Variants in PRRG4 observed in about 807,000 individuals in gnomAD.
PRRG4 encodes proline rich and Gla domain 4, also known as transmembrane gamma-carboxyglutamic acid protein 4.
In PRRG4, 12 loss-of-function variants were observed where a neutral mutation model predicts 20.0. That is an observed-to-expected ratio of 0.60 (90% CI 0.38 to 0.97). The LOEUF (loss-of-function observed/expected upper bound fraction) is 0.97, where lower values mean the gene tolerates loss of function less well. Ranked by LOEUF, PRRG4 falls within the 50% of genes least tolerant of loss-of-function variation. The pLI is 0.00. For synonymous variants in PRRG4, 94 were observed against 96.4 expected (o/e 0.98, Z 0.15); for missense variants, 199 against 265.1 (o/e 0.75, Z 1.73).
At chr11:32,838,666 C>G (rs1296583008) in intron 3 of PRRG4, among the ~76,000 whole-genome samples, 2 of 152,078 alleles carry the variant, frequency 1.3e-5, no homozygotes, top group Admixed American at 6.6e-5. Flanking sequence ...AGAGCTGGGA[C>G]TGGCAGTAAT....
At chr11:32,849,457 G>T (rs1851161420) in intron 5 of PRRG4, among the ~76,000 whole-genome samples, 1 of 152,088 alleles carries the variant, frequency 6.6e-6, no homozygotes, top group African/African-American at 2.4e-5. Context: ...GAGGTCAGGA[G>T]TTCGAGACCA....
chr11:32,837,579 T>C (rs1565113944), intron 3 of PRRG4, among the ~76,000 whole-genome samples: 3 of 140,748 alleles, frequency 2.1e-5, no homozygotes, highest in Admixed American at 1.4e-4. Context: ...ATTATTATTA[T>C]TATCTGGAGA....
chr11:32,846,107 G>A (rs7114677), intron 5 of PRRG4, among the ~76,000 whole-genome samples: 59,073 of 151,930 alleles, frequency 0.39, 11,444 homozygotes, highest in South Asian at 0.45. Context: ...ACTGTGAGCC[G>A]TGATCATGCC....
chr11:32,836,185 G>A lies in PRRG4; in HGVS notation c.104-473G>A, dbSNP rs149743117. ...TCCCAATTTTATAAATTAGGAAATG[G>A]CAGCCCAAAGAATATAAGTGACTTA... is the stretch of plus-strand genomic sequence containing the variant. On this transcript the variant is annotated intron_variant, in intron 2 of 5. Transcript: ENST00000257836. 5.0e-3 allele frequency among the ~76,000 whole-genome samples: 763 copies of A among 152,116 alleles called. 4 individuals are homozygous for A. Among genetic ancestry groups the A allele is most frequent in the Middle Eastern group, 0.01 (3 of 294 alleles).
At chr11:32,836,010 G>A (rs1305254897) in intron 2 of PRRG4, among the ~76,000 whole-genome samples, 1 of 152,094 alleles carries the variant, frequency 6.6e-6, no homozygotes, top group Admixed American at 6.6e-5. Context: ...GCTGAGGCAA[G>A]AGAATCACTT....
intron 2 of PRRG4, among the ~76,000 whole-genome samples, chr11:32,833,125 A>G (rs747993112): frequency 2.6e-5 from 4 of 152,312 alleles, no homozygotes; most frequent in Middle Eastern, 3.4e-3. Flanking sequence ...ACAAAAGACA[A>G]TATTTCTCCT....
rs751657517 is a variant in PRRG4, at chr11:32,838,940, G to T, written c.316+10G>T. 8.2e-6 allele frequency: 13 copies of T among 1,587,080 alleles called. No homozygotes were observed. The highest frequency in any genetic ancestry group is 1.0e-5 in the Non-Finnish European group (12 of 1,155,750). On this transcript the variant is annotated intron_variant, in intron 4 of 5. Transcript: ENST00000257836. ...CCAACCACAAAATCAGGTAAAACAAGAATTGATCAAATTTAATGCTTTTCT... is the reference window on the plus strand; with the variant it reads ...CCAACCACAAAATCAGGTAAAACAATAATTGATCAAATTTAATGCTTTTCT...
At chr11:32,849,258 G>C (rs1851159380) in intron 5 of PRRG4, among the ~76,000 whole-genome samples, 1 of 152,106 alleles carries the variant, frequency 6.6e-6, no homozygotes, top group Non-Finnish European at 1.5e-5. Flanking sequence ...TACTTGGAAG[G>C]CTGAGGTGCG....
intron 5 of PRRG4, among the ~76,000 whole-genome samples, chr11:32,846,183 T>C (rs1851129186): frequency 6.6e-6 from 1 of 151,810 alleles, no homozygotes; most frequent in Non-Finnish European, 1.5e-5. Flanking sequence ...ATAATAATAA[T>C]AATAATTGTA....
intron 5 of PRRG4, among the ~76,000 whole-genome samples, chr11:32,841,970 A>G (rs542639941): frequency 6.6e-6 from 1 of 152,334 alleles, no homozygotes; most frequent in East Asian, 1.9e-4. Flanking sequence ...GATAATTACA[A>G]CAACATGGCA....
chr11:32,853,441 C>T lies in PRRG4; in HGVS notation c.595C>T (p.His199Tyr). Residue 199 changes from histidine to tyrosine, a missense_variant, in exon 6 of 6, where the codon CAC becomes TAC. Physicochemically the swap from His to Tyr is moderately conservative, Grantham distance 83 (BLOSUM62 2). Transcript: ENST00000257836. Reference protein sequence around the residue: ...YEQAVALTRKHSVSPPPPYPG... With the variant: ...YEQAVALTRKYSVSPPPPYPG... ...ACAGGCAGTGGCGCTGACCAGAAAA[C>T]ACAGTGTTTCACCACCACCACCATA... is the stretch of plus-strand genomic sequence containing the variant. The T allele has an allele frequency of 6.2e-7, 1 of 1,614,138 alleles. No homozygotes were observed. Among genetic ancestry groups the T allele is most frequent in the Non-Finnish European group, 8.5e-7 (1 of 1,180,028 alleles).
At chr11:32,829,825 C>T, upstream of PRRG4, 1 of 985,404 alleles carries the variant, frequency 1.0e-6, no homozygotes, top group Non-Finnish European at 1.2e-6. Context: ...CGCGGGCTCC[C>T]GGGAGACGCC....
Position 32,846,454 on chromosome 11 carries a change from C to A in PRRG4, c.449+6215C>A, listed in dbSNP as rs561775927. Among the ~76,000 whole-genome samples, 3 of 152,240 alleles carry A rather than the reference C, an allele frequency of 2.0e-5. No individual in the cohort carries two copies. In the South Asian group the frequency reaches 6.2e-4, roughly 32 times the overall value. On this transcript the variant is annotated intron_variant, in intron 5 of 5. Transcript: ENST00000257836. ...AGCAGAGGATTAAAAGGAAAAATAGCCTTTGGGGAAGGTTTTTGAGAATGT... is the reference window on the plus strand; with the variant it reads ...AGCAGAGGATTAAAAGGAAAAATAGACTTTGGGGAAGGTTTTTGAGAATGT...
intron 5 of PRRG4, among the ~76,000 whole-genome samples, chr11:32,846,123 A>G (rs1590675879): frequency 6.6e-6 from 1 of 151,936 alleles, no homozygotes; most frequent in African/African-American, 2.4e-5. Context: ...ATGCCATTAC[A>G]CTCCAGCCTG....
chr11:32,841,767 A>G (rs1384107162), intron 5 of PRRG4, among the ~76,000 whole-genome samples: 2 of 152,100 alleles, frequency 1.3e-5, no homozygotes, highest in Non-Finnish European at 2.9e-5. Context: ...CCATAATTGC[A>G]CCACTGCACT....
chr11:32,848,167 G>A (rs1301039011), intron 5 of PRRG4, among the ~76,000 whole-genome samples: 1 of 152,198 alleles, frequency 6.6e-6, no homozygotes, highest in Non-Finnish European at 1.5e-5. Flanking sequence ...CCAAGATGGT[G>A]CCTTGAACAC....
chr11:32,842,344 AT>A (rs1237625247), intron 5 of PRRG4, among the ~76,000 whole-genome samples: 6 of 152,106 alleles, frequency 3.9e-5, no homozygotes, highest in Admixed American at 3.9e-4. Context: ...GTTCCTTAAT[AT>A]TTTTTTATTT....
At chr11:32,830,893 G>T (rs1850964702) in intron 2 of PRRG4, among the ~76,000 whole-genome samples, 1 of 152,130 alleles carries the variant, frequency 6.6e-6, no homozygotes. Context: ...ACCTATTTCA[G>T]CTTCTGAAAA....
At chr11:32,842,498 A>G (rs1851087850) in intron 5 of PRRG4, among the ~76,000 whole-genome samples, 1 of 152,182 alleles carries the variant, frequency 6.6e-6, no homozygotes, top group Admixed American at 6.5e-5. Context: ...AGCCGGGCAG[A>G]TCACCTGAGG....
Sources: allele counts gnomAD v4.1 joint callset (sites outside exome capture counted in the v4.1 genomes callset), GRCh38; gene constraint gnomAD v4.1.1; transcripts MANE v1.5; gene names NCBI Gene and HGNC (gene_info 2026-07-23, HGNC 2026-07-21).